Variants in EBF3 observed in about 807,000 individuals in gnomAD.
EBF3 encodes the protein transcription factor COE3.
In EBF3, 18 loss-of-function variants were observed where a neutral mutation model predicts 77.1. The observed-to-expected ratio is 0.23, with a 90% confidence interval of 0.16 to 0.35. EBF3 has a LOEUF of 0.35. Among genes scored for constraint, EBF3 ranks in the 10% least tolerant of loss-of-function variants. EBF3 has a pLI of 1.00. For missense variants in EBF3, 558 were observed against 860.0 expected, an observed-to-expected ratio of 0.65 and a Z score of 4.39; for synonymous variants, 350 against 343.5, an observed-to-expected ratio of 1.02 and a Z score of -0.21.
At chr10:129,877,740 G>A (rs764760544) in intron 7 of EBF3, 28 bp downstream of exon 7, 87 of 1,590,304 alleles carry the variant, frequency 5.5e-5, no homozygotes, top group Admixed American at 1.0e-4. Context: ...TCAGGACCAC[G>A]GTCCACGTGT....
At chr10:129,881,790 G>A (rs1389870312) in intron 6 of EBF3, among the ~76,000 whole-genome samples, 1 of 152,176 alleles carries the variant, frequency 6.6e-6, no homozygotes, top group Non-Finnish European at 1.5e-5. Context: ...GGGCAGCTGG[G>A]TGCCACTCCG....
At chr10:129,956,896 T>TA (rs1424030562) in intron 6 of EBF3, among the ~76,000 whole-genome samples, 1 of 152,280 alleles carries the variant, frequency 6.6e-6, no homozygotes, top group East Asian at 1.9e-4. Flanking sequence ...TCATCAGAGA[T>TA]AAAAATAATG....
intron 11 of EBF3, among the ~76,000 whole-genome samples, chr10:129,843,753 A>G (rs1357102739): frequency 2.0e-5 from 3 of 152,252 alleles, no homozygotes; most frequent in Middle Eastern, 3.2e-3. Flanking sequence ...AAGTGAATTA[A>G]CTTGGGTTAA....
At chr10:129,903,194 T>C (rs963445236) in intron 6 of EBF3, among the ~76,000 whole-genome samples, 1 of 152,260 alleles carries the variant, frequency 6.6e-6, no homozygotes, top group African/African-American at 2.4e-5. Flanking sequence ...AGCTGCTGGT[T>C]TTGAGCATGT....
intron 3 of EBF3, 52 bp from the exon 4 acceptor site, chr10:129,962,278 G>A (rs753194142): frequency 6.3e-7 from 1 of 1,580,290 alleles, no homozygotes; most frequent in Non-Finnish European, 8.7e-7. Flanking sequence ...CTGCACCTCG[G>A]GGAGGGCACA....
Position 129,963,233 on chromosome 10 carries a change from G to T in EBF3, c.291+134C>A. 3.0e-6 allele frequency: 4 copies of T among 1,318,904 alleles called. No homozygotes were observed. The highest frequency in any genetic ancestry group is 3.4e-5 in the South Asian group (2 of 59,528). 81.7% of individuals were successfully genotyped at this position (1,318,904 alleles called of 1,614,324 possible). A position where few individuals can be genotyped will look rare whatever the true frequency, so the allele number is the denominator to read the frequency against. On this transcript the variant is annotated intron_variant, in intron 2 of 16. Transcript: ENST00000440978. The surrounding 1 kb of genome is among the most constrained non-coding windows in gnomAD (Gnocchi z 7.1). ...CAGCCCTCGGCGGTCCCGGGCGGCC[G>T]CACGTGGCGGCGGCGGGGTGGCCTG...
chr10:129,845,025 T>A (rs1009466313), intron 11 of EBF3, among the ~76,000 whole-genome samples: 1 of 152,212 alleles, frequency 6.6e-6, no homozygotes, highest in Non-Finnish European at 1.5e-5. Flanking sequence ...CACCTACTTG[T>A]CCATATGGTA....
chr10:129,849,492 C>CA (rs1294148340), intron 10 of EBF3, among the ~76,000 whole-genome samples: 1 of 152,188 alleles, frequency 6.6e-6, no homozygotes, highest in Non-Finnish European at 1.5e-5. Context: ...AGCAGGTGTG[C>CA]AAGGTGCGGG....
chr10:129,850,916 G>A (rs980896718), intron 10 of EBF3, among the ~76,000 whole-genome samples: 3 of 152,146 alleles, frequency 2.0e-5, no homozygotes, highest in African/African-American at 4.8e-5. Flanking sequence ...AGAAAGCACC[G>A]GGGCCTCACA....
In EBF3 at chr10:129,963,060, C is replaced by G. The variant is rs940997358; in HGVS notation, c.292-55G>C. The G allele has an allele frequency of 6.2e-7, 1 of 1,606,604 alleles. No homozygotes were observed. The highest frequency in any genetic ancestry group is 8.5e-7 in the Non-Finnish European group (1 of 1,173,448). ...GTGCGATCGGTGTCAGGCGCGGCCA[C>G]CACGCTCGGTCCCCCTCCGCGACCG... On this transcript the variant is annotated intron_variant, in intron 2 of 16. Transcript: ENST00000440978. The surrounding 1 kb of genome is among the most constrained non-coding windows in gnomAD (Gnocchi z 7.1).
At chr10:129,954,486 G>A (rs1858901453) in intron 6 of EBF3, among the ~76,000 whole-genome samples, 2 of 145,766 alleles carry the variant, frequency 1.4e-5, no homozygotes, top group Non-Finnish European at 3.0e-5. Flanking sequence ...AAAGATAACT[G>A]AACTAAATTG....
chr10:129,867,721 C>T lies in EBF3; in HGVS notation c.912+61G>A, dbSNP rs1852122366. 1.2e-5 allele frequency: 19 copies of T among 1,600,620 alleles called. No individual in the cohort carries two copies. The Middle Eastern group carries it at 5.0e-4, about 42-fold the overall frequency. On this transcript the variant is annotated intron_variant, in intron 9 of 16. Coordinates refer to ENST00000440978, the MANE Select transcript of EBF3 (RefSeq NM_001375380.1). ...CCTTGTGTCAATACACTATTGACAG[C>T]TTGTCAAATCCATTCATGAAGACAG...
chr10:129,890,880 G>A (rs1196204707), intron 6 of EBF3, among the ~76,000 whole-genome samples: 1 of 152,182 alleles, frequency 6.6e-6, no homozygotes, highest in African/African-American at 2.4e-5. Context: ...CTCTCAATTT[G>A]TTGTGAGACC....
chr10:129,847,350 T>C (rs1850545181), intron 11 of EBF3, among the ~76,000 whole-genome samples: 1 of 152,144 alleles, frequency 6.6e-6, no homozygotes, highest in South Asian at 2.1e-4. Context: ...AGGCCTCGAT[T>C]CTTCCCGGGG....
In EBF3 at chr10:129,889,860, C is replaced by T. The variant is rs1241150919; in HGVS notation, c.555-12011G>A. 2.7e-5 allele frequency among the ~76,000 whole-genome samples: 4 copies of T among 150,584 alleles called. 1 individual carries two copies. The highest frequency in any genetic ancestry group is 5.9e-5 in the Non-Finnish European group (4 of 67,768). On this transcript the variant is annotated intron_variant, in intron 6 of 16. Transcript: ENST00000440978. ...GCTCAGGACATGCAGAGGCAGCCCC[C>T]GACCACTTTTACTACCCTGTAACTC...
intron 6 of EBF3, among the ~76,000 whole-genome samples, chr10:129,913,579 G>C (rs576748480): frequency 6.6e-6 from 1 of 152,290 alleles, no homozygotes; most frequent in Non-Finnish European, 1.5e-5. Context: ...TCCTGAGGCT[G>C]CAACCTCGAG....
chr10:129,902,058 A>C (rs1854823001), intron 6 of EBF3, among the ~76,000 whole-genome samples: 1 of 152,176 alleles, frequency 6.6e-6, no homozygotes, highest in South Asian at 2.1e-4. Context: ...CAAAATCTAC[A>C]GCCTGTGCCT....
rs1849683282 is a variant in EBF3 at position 129,837,512 on chromosome 10, T to C, written c.*431A>G. ...GATACACAACCATTGTGAATCTAAG[T>C]ATGAGTACAGAAAAATGTTTGGAGG... On this transcript the variant is annotated 3_prime_UTR_variant, in exon 17 of 17. Transcript: ENST00000440978. 1 of 184,450 alleles carries C rather than the reference T, an allele frequency of 5.4e-6. No individual in the cohort carries two copies. The highest frequency in any genetic ancestry group is 1.1e-5 in the Non-Finnish European group (1 of 88,190). The allele number at this position is 184,450 out of a possible 1,614,324, so 11.4% of individuals were successfully genotyped here.
chr10:129,950,643 CA>C lies in EBF3; in HGVS notation c.554+6614del, dbSNP rs377647272. Among the ~76,000 whole-genome samples, 77 of 150,876 alleles carry C rather than the reference CA, an allele frequency of 5.1e-4. 2 individuals carry two copies. In the East Asian group the frequency reaches 0.011, roughly 22 times the overall value. On this transcript the variant is annotated intron_variant, in intron 6 of 16. Transcript: ENST00000440978. ...TTATAAAATTCAACAAGAACAACAACAAAAAAAAACCCCTTAACCCATGAAA... is the reference window on the plus strand; with the variant it reads ...TTATAAAATTCAACAAGAACAACAACAAAAAAAACCCCTTAACCCATGAAA...
Sources: gnomAD v4.1 joint callset for allele counts (sites outside exome capture counted in the v4.1 genomes callset) on GRCh38, gnomAD v4.1.1 for gene constraint, Gnocchi (gnomAD v3.1) non-coding constraint, MANE v1.5 for transcripts, NCBI Gene and HGNC (gene_info 2026-07-23, HGNC 2026-07-21) for gene names.